Variants in NBPF12 observed in about 807,000 individuals in gnomAD.
The protein encoded by NBPF12 is NBPF family member NBPF12.
In NBPF12, 115 loss-of-function variants were observed where a neutral mutation model predicts 146.4. The observed-to-expected ratio is 0.79, with a 90% CI of 0.68 to 0.92. NBPF12 has a LOEUF of 0.92. Among genes scored for constraint, NBPF12 ranks in the 40% least tolerant of loss-of-function variants. The pLI, the probability that NBPF12 is intolerant of heterozygous loss-of-function variation, is 0.00. For synonymous variants in NBPF12, 385 were observed against 508.9 expected (o/e 0.76, Z 3.28); for missense variants, 1,205 against 1,326.8 (o/e 0.91, Z 1.43).
intron 8 of NBPF12, among the ~76,000 whole-genome samples, chr1:146,965,818 A>G (rs1286068583): frequency 2.1e-5 from 3 of 141,498 alleles, no homozygotes; most frequent in Admixed American, 7.1e-5. Context: ...AAAAAAAAAA[A>G]AAGTCTCTGA....
At chr1:146,992,432 C>CG (rs2101933739) in intron 31 of NBPF12, among the ~76,000 whole-genome samples, 2 of 125,758 alleles carry the variant, frequency 1.6e-5, no homozygotes, top group East Asian at 2.5e-4. Flanking sequence ...TCACTGAGCT[C>CG]GTTCTCTCTC....
chr1:146,960,253 A>G (rs1478372122), exon 4 of NBPF12: 10 of 1,412,384 alleles, frequency 7.1e-6, no homozygotes, highest in East Asian at 6.9e-5. Context: ...CAGTTCAGAA[A>G]CCTCAAAGAG....
chr1:146,969,188 C>T, intron 10 of NBPF12, among the ~76,000 whole-genome samples, 194 bp from the exon 14 acceptor site: 1 of 151,398 alleles, frequency 6.6e-6, no homozygotes, highest in South Asian at 2.1e-4. Flanking sequence ...CTTGCAGGAG[C>T]CCTCTCTGAT....
In NBPF12 at chr1:146,957,987, GTA is replaced by G. The variant is rs1228192892; in HGVS notation, c.-183-1859_-183-1858del. Among the ~76,000 whole-genome samples the G allele has an allele frequency of 6.9e-3, 801 of 115,578 alleles. 136 individuals are homozygous for G. The highest frequency in any genetic ancestry group is 0.011 in the Non-Finnish European group (605 of 54,488). 75.8% of individuals were successfully genotyped at this position (115,578 alleles called of 152,430 possible). ...CGTGTATACATGTATATATGTGTGT[GTA>G]TATATATATATACATGTGTATATAT... On this transcript the variant is annotated intron_variant, in intron 2 of 33. Transcript: ENST00000617844.
intron 1 of NBPF12, among the ~76,000 whole-genome samples, chr1:146,940,715 A>G (rs1654761389): frequency 6.6e-6 from 1 of 152,020 alleles, no homozygotes; most frequent in Non-Finnish European, 1.5e-5. Flanking sequence ...ATGGCTGAAC[A>G]TTTTCCCAAA....
rs1656663726 is a variant in NBPF12 at position 146,972,003 on chromosome 1, G to A, written c.1591+609G>A. On this transcript the variant is annotated intron_variant, in intron 13 of 33. Transcript: ENST00000617844. ...CTTGGGAGGCTGAGGCAGGAGAATG[G>A]CATGAACCCAGGAACCGGATCTTGC... Among the ~76,000 whole-genome samples, 4 of 149,348 alleles carry A rather than the reference G, an allele frequency of 2.7e-5. No individual in the cohort carries two copies. In the South Asian group the frequency reaches 6.3e-4, roughly 24 times the overall value.
At chr1:146,950,116 G>A (rs1488217668) in intron 1 of NBPF12, among the ~76,000 whole-genome samples, 1,933 of 152,130 alleles carry the variant, frequency 0.013, 55 homozygotes, top group African/African-American at 0.045. Context: ...TACCACAGTA[G>A]GACACGCACA....
intron 17 of NBPF12, among the ~76,000 whole-genome samples, 172 bp from the exon 21 acceptor site, chr1:146,977,294 C>T (rs1281717210): frequency 8.7e-5 from 13 of 148,780 alleles, no homozygotes; most frequent in Admixed American, 4.0e-4. Flanking sequence ...CCATGGCAGC[C>T]GTGCTCTGTT....
chr1:146,965,445 T>A (rs1656124542), intron 8 of NBPF12, among the ~76,000 whole-genome samples: 1 of 146,630 alleles, frequency 6.8e-6, no homozygotes, highest in African/African-American at 2.5e-5. Context: ...CCTCATTCAC[T>A]TCTGTCAGGC....
At chr1:146,947,173 A>C (rs1230507162), upstream of NBPF12, among the ~76,000 whole-genome samples, 1 of 151,458 alleles carries the variant, frequency 6.6e-6, no homozygotes, top group Non-Finnish European at 1.5e-5. Flanking sequence ...ATTGTAGTAA[A>C]ACTTGGAAAT....
exon 8 of NBPF12, chr1:146,965,005 A>G: frequency 3.7e-6 from 6 of 1,608,514 alleles, no homozygotes; most frequent in Non-Finnish European, 5.1e-6. Context: ...TCACAAGAAC[A>G]TCAAAATCAC....
chr1:146,994,305 C>G, intron 33 of NBPF12, 27 bp from the exon 37 acceptor site: 1 of 1,611,482 alleles, frequency 6.2e-7, no homozygotes, highest in South Asian at 1.1e-5. Flanking sequence ...TCCCTGGCTG[C>G]TTCTTTAGTT....
At chr1:146,996,030 C>T (rs2101945723) in exon 34 of NBPF12, 1 of 146,354 alleles carries the variant, frequency 6.8e-6, no homozygotes, top group East Asian at 2.0e-4. Context: ...ACATTCTCTG[C>T]CTGAGTTTTA....
intron 5 of NBPF12, among the ~76,000 whole-genome samples, chr1:146,962,758 A>G (rs1655940228): frequency 6.7e-6 from 1 of 148,590 alleles, no homozygotes; most frequent in Non-Finnish European, 1.5e-5. Flanking sequence ...CGCAAGATGC[A>G]CTATGTGTAT....
intron 4 of NBPF12, 127 bp from the exon 8 acceptor site, chr1:146,962,034 C>T (rs1655882909): frequency 2.6e-6 from 2 of 757,900 alleles, no homozygotes; most frequent in Non-Finnish European, 4.5e-6. Context: ...TGTGGAAATC[C>T]CTGTCTAGAC....
chr1:146,986,056 G>C (rs1657735644), intron 23 of NBPF12, among the ~76,000 whole-genome samples: 2 of 151,926 alleles, frequency 1.3e-5, no homozygotes, highest in African/African-American at 4.9e-5. Context: ...TGTTCACTGT[G>C]TGTCCCGAGG....
upstream of NBPF12, among the ~76,000 whole-genome samples, chr1:146,945,417 C>A (rs1321981579): frequency 6.6e-6 from 1 of 151,702 alleles, no homozygotes; most frequent in Non-Finnish European, 1.5e-5. Flanking sequence ...GAACCCTGCA[C>A]TGTCTAGATG....
chr1:146,983,972 T>C (rs1269064032), intron 20 of NBPF12, among the ~76,000 whole-genome samples, 162 bp from the exon 24 acceptor site: 3 of 147,466 alleles, frequency 2.0e-5, no homozygotes, highest in African/African-American at 7.4e-5. Flanking sequence ...AAGCCAGTTT[T>C]CTCAAGACTT....
At chr1:146,969,048 A>C (rs1301410180) in intron 10 of NBPF12, among the ~76,000 whole-genome samples, 2 of 151,318 alleles carry the variant, frequency 1.3e-5, no homozygotes, top group Non-Finnish European at 2.9e-5. Flanking sequence ...AAGATGCACT[A>C]TGTGTATTTT....
Sources: allele counts gnomAD v4.1 joint callset (sites outside exome capture counted in the v4.1 genomes callset), GRCh38; gene constraint gnomAD v4.1.1; transcripts MANE v1.5; gene names NCBI Gene and HGNC (gene_info 2026-07-23, HGNC 2026-07-21).